Variants in ITGB8 observed in about 807,000 individuals in gnomAD.
The protein encoded by ITGB8 is integrin beta-8.
In ITGB8, 30 loss-of-function variants were observed where a neutral mutation model predicts 89.5. That is an observed-to-expected ratio of 0.34 (90% CI 0.25 to 0.45). The LOEUF is 0.45. Among genes scored for constraint, ITGB8 ranks in the 20% least tolerant of loss-of-function variants. The pLI is 1.00. For synonymous variants in ITGB8, 335 were observed against 320.4 expected (o/e 1.05, Z -0.49); for missense variants, 836 against 933.3 (o/e 0.90, Z 1.36).
At chr7:20,355,922 G>A (rs1785277273) in intron 1 of ITGB8, among the ~76,000 whole-genome samples, 1 of 152,198 alleles carries the variant, frequency 6.6e-6, no homozygotes, top group African/African-American at 2.4e-5. Flanking sequence ...TTCCACAGAT[G>A]TGTTATCATT....
rs961525748 is a variant in ITGB8 at position 20,413,235 on chromosome 7, T to A, written c.*3238T>A. 3.3e-5 allele frequency: 5 copies of A among 152,192 alleles called. No individual in the cohort carries two copies. The highest frequency in any genetic ancestry group is 7.4e-5 in the Non-Finnish European group (5 of 67,904). 9.4% of individuals were successfully genotyped at this position (152,192 alleles called of 1,614,324 possible). A position where few individuals can be genotyped will look rare whatever the true frequency, so the allele number is the denominator to read the frequency against. ...AATGTTCAGTTTATCTTTGGTTTAT[T>A]AAAATAAAAAAAAAATCTAAGATTA... On this transcript the variant is annotated 3_prime_UTR_variant, in exon 14 of 14. Coordinates refer to ENST00000222573, the MANE Select transcript of ITGB8 (RefSeq NM_002214.3).
chr7:20,341,441 G>A (rs1784751712), intron 1 of ITGB8, among the ~76,000 whole-genome samples: 1 of 152,052 alleles, frequency 6.6e-6, no homozygotes, highest in South Asian at 2.1e-4. Flanking sequence ...CTAAAGTGAG[G>A]GCCAACGTAT....
chr7:20,353,801 G>A lies in ITGB8; in HGVS notation c.128-9836G>A, dbSNP rs541797721. On this transcript the variant is annotated intron_variant, in intron 1 of 13. Coordinates refer to ENST00000222573, the MANE Select transcript of ITGB8 (RefSeq NM_002214.3). ...ACAAAAATTAGCCAGGCGTGGTGGCGCGCGCCTGTAGTCCCAGCTACACGG... is the reference window on the plus strand; with the variant it reads ...ACAAAAATTAGCCAGGCGTGGTGGCACGCGCCTGTAGTCCCAGCTACACGG... Among the ~76,000 whole-genome samples, 419 of 149,764 alleles carry A rather than the reference G, an allele frequency of 2.8e-3. 22 individuals carry two copies. Among genetic ancestry groups the A allele is most frequent in the African/African-American group, 9.7e-3 (390 of 40,022 alleles).
intron 7 of ITGB8, among the ~76,000 whole-genome samples, chr7:20,393,946 T>G (rs1345878899): frequency 6.6e-6 from 1 of 152,212 alleles, no homozygotes; most frequent in Non-Finnish European, 1.5e-5. Context: ...CAGTGTTTAG[T>G]GAAGAAATTG....
intron 1 of ITGB8, among the ~76,000 whole-genome samples, chr7:20,351,368 G>A (rs1785107056): frequency 1.3e-5 from 2 of 152,188 alleles, no homozygotes; most frequent in Admixed American, 1.3e-4. Flanking sequence ...TACCACCTCT[G>A]TGACTTTAGG....
In ITGB8 at chr7:20,401,732, T is replaced by C. The variant is rs763014663; in HGVS notation, c.1293T>C (p.Asn431=). The change falls in exon 10 of 14, where the codon AAT becomes AAC. Residue 431 remains asparagine, a synonymous_variant. Coordinates refer to ENST00000222573, the MANE Select transcript of ITGB8 (RefSeq NM_002214.3). ...CCTCCTAAATTTAGGTTCTTTTCAA[T>C]GTAACAGTTACAATGAAAAAATGTG... The part of the protein sequence containing the change: ...NVTSNDEVLF[N]VTVTMKKCDV... 4 of 1,552,372 alleles carry C rather than the reference T, an allele frequency of 2.6e-6. No individual in the cohort carries two copies. The South Asian group carries it at 5.1e-5, about 20-fold the overall frequency.
chr7:20,410,780 T>A lies in ITGB8; in HGVS notation c.*783T>A, dbSNP rs1787733935. On this transcript the variant is annotated 3_prime_UTR_variant, in exon 14 of 14. Coordinates refer to ENST00000222573, the MANE Select transcript of ITGB8 (RefSeq NM_002214.3). ...TGTCACTTTATCAGAATACTAGTTT[T>A]AAAAGCTGAATGTTAATAGGGGACA... 6.6e-6 allele frequency: 1 copy of A among 152,660 alleles called. No individual in the cohort carries two copies. Among genetic ancestry groups the A allele is most frequent in the African/African-American group, 2.4e-5 (1 of 41,466 alleles). 9.5% of individuals were successfully genotyped at this position (152,660 alleles called of 1,614,324 possible). A position where few individuals can be genotyped will look rare whatever the true frequency, so the allele number is the denominator to read the frequency against.
chr7:20,377,874 T>A (rs1197315760), intron 3 of ITGB8, among the ~76,000 whole-genome samples: 2 of 152,178 alleles, frequency 1.3e-5, no homozygotes, highest in Non-Finnish European at 2.9e-5. Context: ...ATCTGATTTG[T>A]GAAATAATCG....
rs561904464 is a variant in ITGB8, at chr7:20,354,603, C to T, written c.128-9034C>T. Among the ~76,000 whole-genome samples the T allele has an allele frequency of 3.9e-5, 6 of 152,194 alleles. No individual in the cohort carries two copies. In the South Asian group the frequency reaches 8.3e-4, roughly 21 times the overall value. On this transcript the variant is annotated intron_variant, in intron 1 of 13. Coordinates refer to ENST00000222573, the MANE Select transcript of ITGB8 (RefSeq NM_002214.3). The stretch of plus-strand genomic sequence containing the variant: ...CTGAGAGGCCTGGGCTCCTTTTCTC[C>T]GGTTGTGTTTAGCCTCGGCTTCTAT...
chr7:20,402,640 G>C (rs566820807), intron 10 of ITGB8, among the ~76,000 whole-genome samples: 24 of 152,246 alleles, frequency 1.6e-4, no homozygotes, highest in African/African-American at 5.1e-4. Flanking sequence ...AGCCTCTCCA[G>C]TTTATTTTGG....
chr7:20,375,346 G>A (rs1181599291), intron 3 of ITGB8, among the ~76,000 whole-genome samples: 1 of 148,796 alleles, frequency 6.7e-6, no homozygotes, highest in Admixed American at 6.7e-5. Context: ...GTGAGATAAT[G>A]TGATTCAAAT....
intron 6 of ITGB8, among the ~76,000 whole-genome samples, chr7:20,384,964 T>A (rs1277610081): frequency 6.6e-6 from 1 of 152,254 alleles, no homozygotes; most frequent in African/African-American, 2.4e-5. Context: ...AGTTTTATGA[T>A]TTATCCAGTG....
chr7:20,390,638 ATC>A (rs1786816744), intron 6 of ITGB8, among the ~76,000 whole-genome samples: 1 of 152,126 alleles, frequency 6.6e-6, no homozygotes, highest in African/African-American at 2.4e-5. Flanking sequence ...GAAATCTGTA[ATC>A]TATACCTTGT....
intron 1 of ITGB8, among the ~76,000 whole-genome samples, chr7:20,344,275 A>G (rs1784852437): frequency 1.4e-5 from 2 of 140,148 alleles, no homozygotes; most frequent in South Asian, 5.1e-4. Context: ...AAAGATTGAT[A>G]CTTAGTTTTA....
chr7:20,409,951 A>T lies in ITGB8; in HGVS notation c.2264A>T (p.Asp755Val). 6.2e-7 allele frequency: 1 copy of T among 1,613,484 alleles called. No homozygotes were observed. The highest frequency in any genetic ancestry group is 8.5e-7 in the Non-Finnish European group (1 of 1,179,644). ...GAGAAGCCTGAAGAAATAAAAATGG[A>T]TATCAGCAAATTAAATGCTCATGAA... The part of the protein sequence containing the change: ...RREKPEEIKM[D>V]ISKLNAHETF... Residue 755 changes from aspartate (D) to valine (V), a missense_variant, in exon 14 of 14, where the codon GAT (aspartate) becomes GTT (valine). By Grantham distance (152) the Asp-to-Val change is radical (BLOSUM62 -3). This residue lies in a region of ITGB8 where 422 missense variants were observed against 416.9 expected (regional missense o/e 1.01). Coordinates refer to ENST00000222573, the MANE Select transcript of ITGB8 (RefSeq NM_002214.3).
intron 1 of ITGB8, among the ~76,000 whole-genome samples, chr7:20,338,672 G>T (rs897281901): frequency 6.6e-6 from 1 of 152,008 alleles, no homozygotes; most frequent in African/African-American, 2.4e-5. Context: ...TTATTGAGCC[G>T]GGGAGACAAA....
chr7:20,392,191 T>G (rs141491484), intron 7 of ITGB8, among the ~76,000 whole-genome samples: 2 of 152,216 alleles, frequency 1.3e-5, no homozygotes, highest in African/African-American at 4.8e-5. Flanking sequence ...CTAGAAACTC[T>G]CTTGTTCTCA....
At chr7:20,342,202 G>A (rs970217732) in intron 1 of ITGB8, among the ~76,000 whole-genome samples, 1 of 152,182 alleles carries the variant, frequency 6.6e-6, no homozygotes, top group Non-Finnish European at 1.5e-5. Context: ...CCTCCAAGTT[G>A]TATAATATAA....
At chr7:20,356,142 C>A (rs764729895) in intron 1 of ITGB8, among the ~76,000 whole-genome samples, 1 of 152,162 alleles carries the variant, frequency 6.6e-6, no homozygotes, top group Non-Finnish European at 1.5e-5. Context: ...TAACATTTAA[C>A]TGACTTTTGT....
Sources: allele counts gnomAD v4.1 joint callset (sites outside exome capture counted in the v4.1 genomes callset), GRCh38; gene constraint gnomAD v4.1.1; regional missense constraint gnomAD v4.1.1; transcripts MANE v1.5; gene names NCBI Gene and HGNC (gene_info 2026-07-23, HGNC 2026-07-21).